DROSHA: variants seen among roughly 807,000 people sequenced by gnomAD.
DROSHA encodes the protein drosha ribonuclease III.
A neutral mutation model predicts 181.9 loss-of-function variants in DROSHA; 56 were observed. The ratio of observed to expected loss-of-function variants is 0.31; its 90% CI spans 0.25 to 0.38. The LOEUF (loss-of-function observed/expected upper bound fraction) is 0.38. DROSHA is among the 10% of genes least tolerant of loss of function. The pLI is 1.00. For missense variants in DROSHA, 1,218 were observed against 1,743.5 expected, an observed-to-expected ratio of 0.70 and a Z score of 5.37; for synonymous variants, 524 against 591.2, an observed-to-expected ratio of 0.89 and a Z score of 1.65.
chr5:31,500,516 G>C (rs570237771), intron 11 of DROSHA, among the ~76,000 whole-genome samples: 111 of 152,252 alleles, frequency 7.3e-4, no homozygotes, highest in Non-Finnish European at 1.3e-3. Flanking sequence ...AGACAGTGGA[G>C]GAAGGAATTC....
chr5:31,509,506 G>T (rs1418461950), intron 9 of DROSHA, among the ~76,000 whole-genome samples: 1 of 152,190 alleles, frequency 6.6e-6, no homozygotes, highest in Non-Finnish European at 1.5e-5. Context: ...GGAGAAGCAT[G>T]ATAAGGAGGA....
At chr5:31,439,689 C>A (rs1745328926) in intron 23 of DROSHA, among the ~76,000 whole-genome samples, 1 of 152,080 alleles carries the variant, frequency 6.6e-6, no homozygotes, top group Non-Finnish European at 1.5e-5. Flanking sequence ...TATGTACTAT[C>A]TTTGGTTTTA....
At position 31,409,353 on chromosome 5, in the gene DROSHA, T is replaced by C; in HGVS notation, c.3668-21A>G. ...AAATGCTGGGGAAAAAAGAATACTT[T>C]AAAATAAACCACAATCACTGCCATC... On this transcript the variant is annotated intron_variant, in intron 31 of 35. Coordinates refer to ENST00000344624, the MANE Select transcript of DROSHA (RefSeq NM_001382508.1). This position sits in a 1 kb window ranked among gnomAD's most constrained non-coding sequence, Gnocchi z 4.0. The C allele has an allele frequency of 6.4e-7, 1 of 1,555,008 alleles. No homozygotes were observed. Among genetic ancestry groups the C allele is most frequent in the Non-Finnish European group, 8.7e-7 (1 of 1,148,384 alleles).
intron 13 of DROSHA, among the ~76,000 whole-genome samples, chr5:31,489,688 T>G (rs1319197082): frequency 6.6e-6 from 1 of 151,898 alleles, no homozygotes; most frequent in East Asian, 1.9e-4. Flanking sequence ...CTCAAAAAAC[T>G]AAAAAACTCT....
intron 12 of DROSHA, 65 bp downstream of exon 12, chr5:31,495,221 A>G: frequency 1.4e-6 from 2 of 1,471,088 alleles, no homozygotes; most frequent in Admixed American, 1.8e-5. Flanking sequence ...CAATAACTTT[A>G]GCCTATTCAC....
chr5:31,449,666 G>A (rs968190183), intron 21 of DROSHA, among the ~76,000 whole-genome samples: 3 of 152,146 alleles, frequency 2.0e-5, no homozygotes, highest in African/African-American at 7.2e-5. Context: ...GGTCGAGGCT[G>A]CAGTGAGCTA....
Position 31,406,754 on chromosome 5 carries a change from A to G in DROSHA, c.3947+99T>C. On this transcript the variant is annotated intron_variant, in intron 34 of 35. Coordinates refer to ENST00000344624, the MANE Select transcript of DROSHA (RefSeq NM_001382508.1). ...CTACTCTTGAACATTTTATTCTCTGAGTTAAAAAAGACAGATGACTGAGTT... is the reference window on the plus strand; with the variant it reads ...CTACTCTTGAACATTTTATTCTCTGGGTTAAAAAAGACAGATGACTGAGTT... The G allele has an allele frequency of 2.8e-6, 3 of 1,070,998 alleles. No individual in the cohort carries two copies. In the South Asian group the frequency reaches 4.6e-5, roughly 16 times the overall value. The allele number at this position is 1,070,998 out of a possible 1,614,324, so 66.3% of individuals were successfully genotyped here.
chr5:31,400,970 G>C lies in DROSHA; in HGVS notation c.*462C>G, dbSNP rs1739942791. 1 of 173,478 alleles carries C rather than the reference G, an allele frequency of 5.8e-6. No homozygotes were observed. Among genetic ancestry groups the C allele is most frequent in the Non-Finnish European group, 1.2e-5 (1 of 81,320 alleles). 10.7% of individuals were successfully genotyped at this position (173,478 alleles called of 1,614,324 possible). On this transcript the variant is annotated 3_prime_UTR_variant, in exon 36 of 36. Coordinates refer to ENST00000344624, the MANE Select transcript of DROSHA (RefSeq NM_001382508.1). ...GTTCAATATTTGCAGCTGATAACTT[G>C]ATGAACAGCCACCGGATGAAAGCTG... is the stretch of plus-strand genomic sequence containing the variant.
At chr5:31,496,174 T>C (rs560539319) in intron 11 of DROSHA, among the ~76,000 whole-genome samples, 52 of 152,308 alleles carry the variant, frequency 3.4e-4, no homozygotes, top group Middle Eastern at 6.8e-3. Context: ...CAGTGGTTCA[T>C]GCCTGTAATC....
Position 31,479,461 on chromosome 5 carries a change from G to A in DROSHA, c.2071+4093C>T, listed in dbSNP as rs984675158. Among the ~76,000 whole-genome samples the A allele has an allele frequency of 4.6e-5, 7 of 152,116 alleles. No individual in the cohort carries two copies. In the East Asian group the frequency reaches 5.8e-4, roughly 13 times the overall value. ...CTGAGTTTTGACCCATATCTCATAC[G>A]AATTGTGAAAACAAATTCAAGACTG... On this transcript the variant is annotated intron_variant, in intron 16 of 35. Coordinates refer to ENST00000344624, the MANE Select transcript of DROSHA (RefSeq NM_001382508.1).
At chr5:31,483,335 T>C (rs1260774803) in intron 16 of DROSHA, among the ~76,000 whole-genome samples, 1 of 152,248 alleles carries the variant, frequency 6.6e-6, no homozygotes, top group African/African-American at 2.4e-5. Context: ...CTAAAATTTA[T>C]AAATCTGTTC....
chr5:31,516,314 G>C (rs1386379898), intron 6 of DROSHA, among the ~76,000 whole-genome samples: 1 of 152,116 alleles, frequency 6.6e-6, no homozygotes, highest in Non-Finnish European at 1.5e-5. Context: ...AAGAAATTTA[G>C]GTAGAACACA....
At position 31,401,305 on chromosome 5, in the gene DROSHA, T is replaced by G; in HGVS notation, c.*127A>C. ...CAGATCATTAAAACAACAATAGCGA[T>G]TTGACTCTGTATTTTATTTCAATGA... On this transcript the variant is annotated 3_prime_UTR_variant, in exon 36 of 36. Transcript: ENST00000344624. The G allele has an allele frequency of 3.1e-6, 4 of 1,270,640 alleles. No homozygotes were observed. The highest frequency in any genetic ancestry group is 5.0e-5 in the East Asian group (2 of 40,224). The allele number at this position is 1,270,640 out of a possible 1,614,324, so 78.7% of individuals were successfully genotyped here. A position where few individuals can be genotyped will look rare whatever the true frequency, so the allele number is the denominator to read the frequency against.
chr5:31,410,903 G>A lies in DROSHA; in HGVS notation c.3526-16C>T, dbSNP rs1337743782. 7.4e-6 allele frequency: 12 copies of A among 1,613,456 alleles called. No individual in the cohort carries two copies. The highest frequency in any genetic ancestry group is 8.5e-6 in the Non-Finnish European group (10 of 1,179,698). ...TTCGCAACAACTGCCCAAAAGGAATGGCGGTACATTGAGAACACATTTCAC... is the reference window on the plus strand; with the variant it reads ...TTCGCAACAACTGCCCAAAAGGAATAGCGGTACATTGAGAACACATTTCAC... On this transcript the variant is annotated splice_polypyrimidine_tract_variant and intron_variant, in intron 30 of 35. Coordinates refer to ENST00000344624, the MANE Select transcript of DROSHA (RefSeq NM_001382508.1).
At chr5:31,516,812 C>A (rs958543537) in intron 6 of DROSHA, among the ~76,000 whole-genome samples, 1 of 152,036 alleles carries the variant, frequency 6.6e-6, no homozygotes, top group African/African-American at 2.4e-5. Context: ...CATTATTATT[C>A]TTTTATATGT....
chr5:31,439,012 G>A (rs1745220221), intron 23 of DROSHA, among the ~76,000 whole-genome samples: 1 of 152,156 alleles, frequency 6.6e-6, no homozygotes, highest in South Asian at 2.1e-4. Flanking sequence ...GATGAGAACA[G>A]ACCACTAATT....
chr5:31,508,423 A>G (rs1738251533), intron 10 of DROSHA, among the ~76,000 whole-genome samples, 198 bp downstream of exon 10: 1 of 152,204 alleles, frequency 6.6e-6, no homozygotes, highest in Admixed American at 6.5e-5. Context: ...AACATCATCA[A>G]AAATGATTCA....
intron 10 of DROSHA, among the ~76,000 whole-genome samples, chr5:31,508,299 T>C (rs892083862): frequency 6.6e-6 from 1 of 152,226 alleles, no homozygotes; most frequent in Non-Finnish European, 1.5e-5. Context: ...CCAGGTGAAC[T>C]ACTTCTAAAA....
At position 31,511,134 on chromosome 5, in the gene DROSHA, A is replaced by G. The variant is rs1173512343; in HGVS notation, c.1333T>C (p.Tyr445His). 5 of 1,613,828 alleles carry G rather than the reference A, an allele frequency of 3.1e-6. No individual in the cohort carries two copies. The highest frequency in any genetic ancestry group is 2.2e-5 in the South Asian group (2 of 91,082). Reference protein sequence around the residue: ...VVGTSRLRDLYDKFEEELGSR... With the variant: ...VVGTSRLRDLHDKFEEELGSR... The stretch of plus-strand genomic sequence containing the variant: ...CCCAACTCCTCCTCAAATTTGTCAT[A>G]TAAGTCACGAAGCCTACTCGTTCCA... Residue 445 changes from tyrosine to histidine, a missense_variant, in exon 9 of 36, where the codon TAT becomes CAT. Physicochemically the swap from Tyr to His is moderately conservative, Grantham distance 83. Around this residue, in one of 8 missense-constraint regions of DROSHA, gnomAD observed 460 missense variants for 774.2 expected, o/e 0.59. Coordinates refer to ENST00000344624, the MANE Select transcript of DROSHA (RefSeq NM_001382508.1).
Sources: allele counts gnomAD v4.1 joint callset (sites outside exome capture counted in the v4.1 genomes callset), GRCh38; gene constraint gnomAD v4.1.1; regional missense constraint gnomAD v4.1.1; non-coding constraint Gnocchi (gnomAD v3.1); transcripts MANE v1.5; gene names NCBI Gene and HGNC (gene_info 2026-07-23, HGNC 2026-07-21).